The following SIPA1L2 variants were observed in gnomAD, a reference collection of about 807,000 sequenced individuals.
SIPA1L2 encodes the protein signal-induced proliferation-associated 1-like protein 2.
A neutral mutation model predicts 163.9 loss-of-function variants in SIPA1L2; 56 were observed. The observed-to-expected ratio is 0.34, with a 90% confidence interval of 0.28 to 0.43. The LOEUF (loss-of-function observed/expected upper bound fraction) is 0.43, where lower values mean the gene tolerates loss of function less well. Ranked by LOEUF, SIPA1L2 falls within the 20% of genes least tolerant of loss-of-function variation. The pLI, the probability that SIPA1L2 is intolerant of heterozygous loss-of-function variation, is 1.00. For missense variants in SIPA1L2, 1,974 were observed against 2,193.5 expected (o/e 0.90, Z 2.00); for synonymous variants, 877 against 865.7 (o/e 1.01, Z -0.23).
intron 1 of SIPA1L2, among the ~76,000 whole-genome samples, chr1:232,611,633 A>ACAGAGAATTTAGGGTATCCGG (rs1662241509): frequency 6.6e-6 from 1 of 152,210 alleles, no homozygotes; most frequent in East Asian, 1.9e-4. Flanking sequence ...TGAACTTCAG[A>ACAGAGAATTTAGGGTATCCGG]CAGAGAATTT....
At position 232,608,702 on chromosome 1, in the gene SIPA1L2, A is replaced by G. The variant is rs189900191; in HGVS notation, c.-319+21167T>C. ...TATCTCTGCATATATTACAAACACG[A>G]GGAGATCCATGCACAGTAGAAGACT... On this transcript the variant is annotated intron_variant, in intron 1 of 22. Coordinates refer to ENST00000674635, the MANE Select transcript of SIPA1L2 (RefSeq NM_020808.5). Among the ~76,000 whole-genome samples the G allele has an allele frequency of 2.0e-5, 3 of 152,292 alleles. No homozygotes were observed. In the East Asian group the frequency reaches 5.8e-4, roughly 29 times the overall value.
intron 1 of SIPA1L2, among the ~76,000 whole-genome samples, chr1:232,600,758 C>T (rs1052826770): frequency 6.6e-6 from 1 of 152,148 alleles, no homozygotes; most frequent in Non-Finnish European, 1.5e-5. Flanking sequence ...TGCCCCTCAG[C>T]ACTCAGTTCC....
At chr1:232,584,244 T>C (rs1431984982) in intron 1 of SIPA1L2, among the ~76,000 whole-genome samples, 3 of 152,128 alleles carry the variant, frequency 2.0e-5, no homozygotes, top group South Asian at 4.1e-4. Context: ...TTTTTTTTTT[T>C]AGACGGAGTC....
At chr1:232,417,471 G>A (rs1661327792) in intron 18 of SIPA1L2, among the ~76,000 whole-genome samples, 1 of 152,068 alleles carries the variant, frequency 6.6e-6, no homozygotes. Context: ...TGTGTGATGT[G>A]CTTGTCCTTG....
At chr1:232,528,102 A>ATATCTATC (rs34779799) in intron 2 of SIPA1L2, among the ~76,000 whole-genome samples, 15 of 118,516 alleles carry the variant, frequency 1.3e-4, no homozygotes, top group Admixed American at 9.6e-4. Flanking sequence ...ATATATATAT[A>ATATCTATC]ATCAACTTTC....
chr1:232,530,218 G>C (rs1310944607), intron 2 of SIPA1L2, among the ~76,000 whole-genome samples: 1 of 22,112 alleles, frequency 4.5e-5, no homozygotes, highest in African/African-American at 8.5e-4. Flanking sequence ...AGGTTCAAGC[G>C]ATTCCCCCGC....
At position 232,484,225 on chromosome 1, in the gene SIPA1L2, C is replaced by T. The variant is rs138561781; in HGVS notation, c.1807-259G>A. On this transcript the variant is annotated intron_variant, in intron 5 of 22. Coordinates refer to ENST00000674635, the MANE Select transcript of SIPA1L2 (RefSeq NM_020808.5). ...TATGGCTGTGGCCATTTGGGATTTG[C>T]CAGGTTTCCAAAAAGGATAGGAAGT... Among the ~76,000 whole-genome samples the T allele has an allele frequency of 1.7e-3, 253 of 152,126 alleles. 5 individuals carry two copies. Among genetic ancestry groups the T allele is most frequent in the Admixed American group, 0.015 (226 of 15,286 alleles).
intron 1 of SIPA1L2, among the ~76,000 whole-genome samples, chr1:232,593,207 G>A (rs984972255): frequency 1.3e-5 from 2 of 152,136 alleles, no homozygotes; most frequent in Admixed American, 1.3e-4. Flanking sequence ...AAAGTCCTAA[G>A]TCAAATATTC....
At chr1:232,412,113 GGTATA>G (rs1361183283) in intron 19 of SIPA1L2, among the ~76,000 whole-genome samples, 1 of 152,112 alleles carries the variant, frequency 6.6e-6, no homozygotes, top group Non-Finnish European at 1.5e-5. Context: ...GCTCTAAATT[GGTATA>G]GTATAGTGGT....
chr1:232,403,399 A>T (rs759962567), intron 21 of SIPA1L2, 49 bp downstream of exon 21: 1 of 1,590,466 alleles, frequency 6.3e-7, no homozygotes, highest in Admixed American at 1.7e-5. Flanking sequence ...AATCTTGGCT[A>T]ATCATGCCTG....
chr1:232,437,888 A>G (rs1662661675), intron 15 of SIPA1L2, among the ~76,000 whole-genome samples: 1 of 152,166 alleles, frequency 6.6e-6, no homozygotes, highest in Non-Finnish European at 1.5e-5. Context: ...CAAGAGAAGA[A>G]TGCTGAGATT....
intron 5 of SIPA1L2, among the ~76,000 whole-genome samples, chr1:232,487,955 C>CAT (rs1491462216): frequency 2.3e-4 from 34 of 145,812 alleles, no homozygotes; most frequent in African/African-American, 8.8e-4. Flanking sequence ...CACACACACA[C>CAT]GCACACATAT....
intron 1 of SIPA1L2, among the ~76,000 whole-genome samples, chr1:232,623,816 A>T (rs1018985610): frequency 6.6e-6 from 1 of 151,934 alleles, no homozygotes; most frequent in African/African-American, 2.4e-5. Flanking sequence ...AGGCCCATCA[A>T]GAGTGGAGTT....
In SIPA1L2 at chr1:232,399,038, G is replaced by C; in HGVS notation, c.*89C>G. 1.9e-6 allele frequency: 3 copies of C among 1,558,184 alleles called. No homozygotes were observed. The highest frequency in any genetic ancestry group is 2.6e-6 in the Non-Finnish European group (3 of 1,141,512). On this transcript the variant is annotated 3_prime_UTR_variant, in exon 23 of 23. Coordinates refer to ENST00000674635, the MANE Select transcript of SIPA1L2 (RefSeq NM_020808.5). ...TGGAACAGCAAAAACATCTACGATT[G>C]GTTGAAAGCACACAGAAAAACCACA... is the stretch of plus-strand genomic sequence containing the variant.
At position 232,436,308 on chromosome 1, in the gene SIPA1L2, A is replaced by G. The variant is rs140699068; in HGVS notation, c.4031+2800T>C. Reference sequence around the variant, plus strand: ...TCAAAACACGAATGCTCCAGTGAGGAGAAGGTGGCGATAAGTGGCCTTCTT... The same window carrying G: ...TCAAAACACGAATGCTCCAGTGAGGGGAAGGTGGCGATAAGTGGCCTTCTT... On this transcript the variant is annotated intron_variant, in intron 15 of 22. Coordinates refer to ENST00000674635, the MANE Select transcript of SIPA1L2 (RefSeq NM_020808.5). 6.8e-4 allele frequency among the ~76,000 whole-genome samples: 104 copies of G among 152,322 alleles called. No homozygotes were observed. The Middle Eastern group carries it at 0.014, about 20-fold the overall frequency.
chr1:232,532,874 A>G (rs1455939903), intron 2 of SIPA1L2, among the ~76,000 whole-genome samples: 1 of 152,218 alleles, frequency 6.6e-6, no homozygotes, highest in Non-Finnish European at 1.5e-5. Context: ...ACTGCAGGAG[A>G]AACGCTAAAG....
At chr1:232,563,916 T>C (rs905695497) in intron 2 of SIPA1L2, among the ~76,000 whole-genome samples, 1 of 151,292 alleles carries the variant, frequency 6.6e-6, no homozygotes, top group Non-Finnish European at 1.5e-5. Context: ...GGTTTCATCA[T>C]GTTGGCCAGA....
At chr1:232,497,090 T>C (rs1666232592) in intron 3 of SIPA1L2, among the ~76,000 whole-genome samples, 2 of 148,824 alleles carry the variant, frequency 1.3e-5, no homozygotes, top group Admixed American at 1.3e-4. Flanking sequence ...AAAATGATCA[T>C]ATGTGTACTG....
intron 1 of SIPA1L2, among the ~76,000 whole-genome samples, chr1:232,628,211 T>C (rs991078540): frequency 6.6e-6 from 1 of 152,220 alleles, no homozygotes. Context: ...AAAGGGCTTG[T>C]GCTTAGAAAT....
Sources: gnomAD v4.1 joint callset for allele counts (sites outside exome capture counted in the v4.1 genomes callset) on GRCh38, gnomAD v4.1.1 for gene constraint, MANE v1.5 for transcripts, NCBI Gene and HGNC (gene_info 2026-07-23, HGNC 2026-07-21) for gene names.